METTL22: variants seen among roughly 807,000 people sequenced by gnomAD.
METTL22 encodes the protein methyltransferase-like protein 22.
A neutral mutation model predicts 48.4 loss-of-function variants in METTL22; 51 were observed. That is an observed-to-expected ratio of 1.05 (90% CI 0.84 to 1.33). The LOEUF (loss-of-function observed/expected upper bound fraction) is 1.33. Ranked by LOEUF, METTL22 falls within the 40% of genes most tolerant of loss-of-function variation. METTL22 has a pLI of 0.00. For synonymous variants in METTL22, 255 were observed against 214.1 expected (o/e 1.19, Z -1.67); for missense variants, 678 against 526.9 (o/e 1.29, Z -2.81).
intron 5 of METTL22, among the ~76,000 whole-genome samples, chr16:8,637,718 C>G (rs1320881131): frequency 6.6e-6 from 1 of 152,192 alleles, no homozygotes; most frequent in Non-Finnish European, 1.5e-5. Flanking sequence ...ACAAGCTGGC[C>G]GAGGGATGCT....
At chr16:8,666,453 C>A in the METTL22 span, among the ~76,000 whole-genome samples, 2 of 152,178 alleles carry the variant, frequency 1.3e-5, no homozygotes, top group Non-Finnish European at 2.9e-5. Flanking sequence ...TCTAGGAGAA[C>A]CCAAACTACA....
chr16:8,664,050 C>G, the METTL22 span, among the ~76,000 whole-genome samples: 2 of 151,558 alleles, frequency 1.3e-5, no homozygotes, highest in Non-Finnish European at 3.0e-5. Flanking sequence ...AGGCAATGAT[C>G]TTTCCTCTTT....
intron 2 of METTL22, among the ~76,000 whole-genome samples, chr16:8,626,835 C>T (rs8056339): frequency 0.017 from 2,228 of 133,130 alleles, 59 homozygotes; most frequent in African/African-American, 0.06. Flanking sequence ...CATGCGATCT[C>T]GGCTCACTGC....
chr16:8,657,136 C>G, the METTL22 span, among the ~76,000 whole-genome samples: 1 of 152,172 alleles, frequency 6.6e-6, no homozygotes, highest in Non-Finnish European at 1.5e-5. Flanking sequence ...GCCCTTCTTA[C>G]AGCAAGATAA....
chr16:8,665,583 A>G, the METTL22 span, among the ~76,000 whole-genome samples: 12 of 152,240 alleles, frequency 7.9e-5, no homozygotes, highest in South Asian at 4.1e-4. Context: ...CTGGTTAACA[A>G]GTACCCAGCT....
chr16:8,625,595 A>T lies in METTL22; in HGVS notation c.-71A>T. On this transcript the variant is annotated 5_prime_UTR_variant, in exon 2 of 11. Coordinates refer to ENST00000381920, the MANE Select transcript of METTL22 (RefSeq NM_024109.4). Reference sequence around the variant, plus strand: ...ACCTGTCTGCAGTATCTCCTCTGGGACCTGCCATGCTGAGGACCCATTCTC... The same window carrying T: ...ACCTGTCTGCAGTATCTCCTCTGGGTCCTGCCATGCTGAGGACCCATTCTC... The T allele has an allele frequency of 6.5e-7, 1 of 1,538,902 alleles. No homozygotes were observed.
chr16:8,637,700 G>C (rs2056464595), intron 5 of METTL22, among the ~76,000 whole-genome samples: 1 of 152,222 alleles, frequency 6.6e-6, no homozygotes, highest in East Asian at 1.9e-4. Flanking sequence ...GCATGGAACA[G>C]AGCTCCCACA....
intron 7 of METTL22, 128 bp from the exon 8 acceptor site, chr16:8,641,999 G>A: frequency 2.8e-6 from 2 of 718,854 alleles, no homozygotes; most frequent in South Asian, 3.1e-5. Flanking sequence ...CTGCCTGGTG[G>A]TGCCCACTGC....
Position 8,635,328 on chromosome 16 carries a change from C to G in METTL22, c.700+16C>G. 6.5e-7 allele frequency: 1 copy of G among 1,527,120 alleles called. No homozygotes were observed. Among genetic ancestry groups the G allele is most frequent in the Non-Finnish European group, 8.8e-7 (1 of 1,138,926 alleles). The allele number at this position is 1,527,120 out of a possible 1,614,324, so 94.6% of individuals were successfully genotyped here. ...TATTGTACAGGTAATGAGGTGACATCTCAGGCTGCAGGGAAGTAGTCACCT... is the reference window on the plus strand; with the variant it reads ...TATTGTACAGGTAATGAGGTGACATGTCAGGCTGCAGGGAAGTAGTCACCT... On this transcript the variant is annotated intron_variant, in intron 5 of 10. Transcript: ENST00000381920.
At chr16:8,639,489 C>A in intron 6 of METTL22, 1 of 357,790 alleles carries the variant, frequency 2.8e-6, no homozygotes, top group East Asian at 5.2e-5. Flanking sequence ...AGTGCCCTTT[C>A]TCAGATGCAA....
chr16:8,661,472 C>G, the METTL22 span, among the ~76,000 whole-genome samples: 1 of 143,606 alleles, frequency 7.0e-6, no homozygotes, highest in African/African-American at 2.6e-5. Flanking sequence ...TGGTGAAACC[C>G]CGTCTCTACT....
At chr16:8,638,444 C>T in intron 5 of METTL22, among the ~76,000 whole-genome samples, 1 of 152,054 alleles carries the variant, frequency 6.6e-6, no homozygotes, top group East Asian at 1.9e-4. Flanking sequence ...TTCACTGTAC[C>T]CCAAGTTAGT....
chr16:8,624,133 A>G (rs1349809942), intron 1 of METTL22: 1 of 152,184 alleles, frequency 6.6e-6, no homozygotes, highest in African/African-American at 2.4e-5. Flanking sequence ...GAAACCAGGG[A>G]TCCCCACCTG....
At chr16:8,624,598 G>T (rs975248593) in intron 1 of METTL22, among the ~76,000 whole-genome samples, 2 of 152,026 alleles carry the variant, frequency 1.3e-5, no homozygotes, top group African/African-American at 4.8e-5. Flanking sequence ...AGGCATGATG[G>T]CTCACGCCTG....
intron 5 of METTL22, among the ~76,000 whole-genome samples, chr16:8,637,503 G>A (rs2056459165): frequency 6.6e-6 from 1 of 152,264 alleles, no homozygotes; most frequent in Non-Finnish European, 1.5e-5. Context: ...AGATGCATCA[G>A]TGCCTGGCTG....
At chr16:8,629,672 G>A (rs2056188121) in intron 3 of METTL22, among the ~76,000 whole-genome samples, 1 of 152,162 alleles carries the variant, frequency 6.6e-6, no homozygotes, top group African/African-American at 2.4e-5. Context: ...AAGTGGGACA[G>A]GAGAGAGGTT....
At position 8,640,942 on chromosome 16, in the gene METTL22, A is replaced by G. The variant is rs374847980; in HGVS notation, c.773-189A>G. ...GATGGATGGATGGATGGATGGATGG[A>G]TGGGTGGGTGGATGGCTGGCTGGCT... is the stretch of plus-strand genomic sequence containing the variant. On this transcript the variant is annotated intron_variant, in intron 6 of 10. Coordinates refer to ENST00000381920, the MANE Select transcript of METTL22 (RefSeq NM_024109.4). Among the ~76,000 whole-genome samples, 49 of 43,634 alleles carry G rather than the reference A, an allele frequency of 1.1e-3. 2 individuals carry two copies. The highest frequency in any genetic ancestry group is 3.4e-3 in the African/African-American group (32 of 9,526). The allele number at this position is 43,634 out of a possible 152,430, so 28.6% of individuals were successfully genotyped here.
At chr16:8,624,049 C>T (rs938268052) in intron 1 of METTL22, 3 of 152,324 alleles carry the variant, frequency 2.0e-5, no homozygotes, top group South Asian at 2.1e-4. Flanking sequence ...AGTAACACTG[C>T]GTGAGATTGT....
chr16:8,638,969 G>A (rs1225236459), intron 5 of METTL22, 122 bp from the exon 6 acceptor site: 2 of 939,726 alleles, frequency 2.1e-6, no homozygotes, highest in Non-Finnish European at 3.4e-6. Flanking sequence ...AAGACACATA[G>A]GAGAAACGTT....
Sources: allele counts gnomAD v4.1 joint callset (sites outside exome capture counted in the v4.1 genomes callset), GRCh38; gene constraint gnomAD v4.1.1; transcripts MANE v1.5; gene names NCBI Gene and HGNC (gene_info 2026-07-23, HGNC 2026-07-21).